NISCH: variants seen among roughly 807,000 people sequenced by gnomAD.
NISCH encodes nischarin.
NISCH carries 55 observed loss-of-function variants against 138.4 expected under a neutral mutation model. The observed-to-expected ratio is 0.40, with a 90% CI of 0.32 to 0.50. The LOEUF is 0.50. NISCH is among the 20% of genes least tolerant of loss of function. The probability of loss-of-function intolerance (pLI) is 0.71; values close to 1 mark genes in which losing one functional copy is unlikely to be tolerated. For missense variants in NISCH, 1,643 were observed against 2,005.5 expected (o/e 0.82, Z 3.45); for synonymous variants, 860 against 861.5 (o/e 1.00, Z 0.03).
chr3:52,489,757 C>G, intron 17 of NISCH, 79 bp downstream of exon 17: 1 of 1,547,972 alleles, frequency 6.5e-7, no homozygotes. Context: ...AGGTCAGCCT[C>G]AGGTCCCTGG....
At chr3:52,482,214 C>T (rs1033479488) in intron 13 of NISCH, among the ~76,000 whole-genome samples, 11 of 152,170 alleles carry the variant, frequency 7.2e-5, no homozygotes, top group African/African-American at 1.4e-4. Flanking sequence ...GGTTTTTTAG[C>T]GCGTGGGAGC....
chr3:52,455,614 G>T lies in NISCH; in HGVS notation c.-28G>T. On this transcript the variant is annotated 5_prime_UTR_variant, in exon 1 of 21. Coordinates refer to ENST00000345716, the MANE Select transcript of NISCH (RefSeq NM_007184.4). ...CCCCCTGCTGCTGCTAGTCTGCGCC[G>T]GGCGGCGGTGGCGGCGGAGACCCGA... The T allele has an allele frequency of 7.7e-7, 1 of 1,297,728 alleles. No homozygotes were observed. Among genetic ancestry groups the T allele is most frequent in the Non-Finnish European group, 9.8e-7 (1 of 1,016,408 alleles). The allele number at this position is 1,297,728 out of a possible 1,614,324, so 80.4% of individuals were successfully genotyped here.
intron 3 of NISCH, among the ~76,000 whole-genome samples, chr3:52,464,001 A>T (rs1041540087): frequency 3.3e-5 from 5 of 151,726 alleles, no homozygotes; most frequent in Admixed American, 3.3e-4. Flanking sequence ...TGCTGAGATT[A>T]CAGGTGTGAG....
At chr3:52,460,612 C>T (rs372071287) in intron 3 of NISCH, among the ~76,000 whole-genome samples, 1 of 152,046 alleles carries the variant, frequency 6.6e-6, no homozygotes, top group African/African-American at 2.4e-5. Flanking sequence ...CAGTATTGCT[C>T]AGGTTGGCCT....
rs375096283 is a variant in NISCH, at chr3:52,492,504, C to T, written c.*22C>T. The T allele has an allele frequency of 3.5e-5, 54 of 1,562,616 alleles. No individual in the cohort carries two copies. In the African/African-American group the frequency reaches 6.0e-4, roughly 17 times the overall value. On this transcript the variant is annotated 3_prime_UTR_variant, in exon 21 of 21. Transcript: ENST00000345716. ...CTAGCCCAGGCCACAGCCAGCCTGT[C>T]GTGTCCAGCCTGACGCCTACTGGGG...
At position 52,490,092 on chromosome 3, in the gene NISCH, G is replaced by C. The variant is rs2153231865; in HGVS notation, c.3474G>C (p.Leu1158=). The change falls in exon 18 of 21, where the codon CTG becomes CTC. Residue 1158 remains leucine (L), a synonymous_variant. Coordinates refer to ENST00000345716, the MANE Select transcript of NISCH (RefSeq NM_007184.4). The part of the protein sequence containing the change: ...SSIAEVENEE[L]RHLMWSSVVF... ...GTCTTCAGGTTGAAAACGAGGAGCTGAGGCACCTCATGTGGTCCTCGGTGG... is the reference window on the plus strand; with the variant it reads ...GTCTTCAGGTTGAAAACGAGGAGCTCAGGCACCTCATGTGGTCCTCGGTGG... The C allele has an allele frequency of 6.2e-7, 1 of 1,613,620 alleles. No homozygotes were observed. The highest frequency in any genetic ancestry group is 8.5e-7 in the Non-Finnish European group (1 of 1,180,004).
chr3:52,466,292 A>T (rs1706777481), intron 3 of NISCH, among the ~76,000 whole-genome samples: 1 of 152,168 alleles, frequency 6.6e-6, no homozygotes, highest in Non-Finnish European at 1.5e-5. Context: ...AGGGCCGGGC[A>T]TGGTGACTCA....
intron 3 of NISCH, among the ~76,000 whole-genome samples, chr3:52,461,755 C>T (rs561928011): frequency 1.9e-4 from 28 of 150,876 alleles, no homozygotes; most frequent in African/African-American, 6.8e-4. Flanking sequence ...CCTAGCTACT[C>T]GGGAGGCTGA....
At chr3:52,480,580 C>T in intron 13 of NISCH, 1 of 1,442,006 alleles carries the variant, frequency 6.9e-7, no homozygotes, top group Non-Finnish European at 9.1e-7. Context: ...AGGCTGCCCT[C>T]TGAACAGGCT....
chr3:52,487,218 G>A lies in NISCH; in HGVS notation c.1726G>A (p.Val576Ile). Residue 576 changes from valine to isoleucine, a missense_variant, in exon 16 of 21, where the codon GTC becomes ATC. Val to Ile is a conservative substitution (Grantham distance 29). Transcript: ENST00000345716. This position sits in a 1 kb window ranked among gnomAD's most constrained non-coding sequence, Gnocchi z 9.1. The stretch of plus-strand genomic sequence containing the variant: ...CAGCCCAGAACATGCCGAGCCGGAG[G>A]TCCAGGTGGTGCCGGGGTCTGGCCA... ...GASPEHAEPE[V>I]QVVPGSGQII... The A allele has an allele frequency of 6.2e-7, 1 of 1,614,036 alleles. No homozygotes were observed. Among genetic ancestry groups the A allele is most frequent in the South Asian group, 1.1e-5 (1 of 91,074 alleles).
In NISCH at chr3:52,456,268, A is replaced by G. The variant is rs151331627; in HGVS notation, c.93+534A>G. ...AGTGCAGGAGAGACCTGGGGAGCAG[A>G]TGCCTTGGGGGTCGGGCGGAGACAA... On this transcript the variant is annotated intron_variant, in intron 1 of 20. Transcript: ENST00000345716. Among the ~76,000 whole-genome samples the G allele has an allele frequency of 2.1e-4, 32 of 151,106 alleles. No homozygotes were observed. The East Asian group carries it at 6.2e-3, about 29-fold the overall frequency.
In NISCH at chr3:52,471,881, G is replaced by A. The variant is rs762736978; in HGVS notation, c.477G>A (p.Glu159=). 6.2e-7 allele frequency: 1 copy of A among 1,613,574 alleles called. No individual in the cohort carries two copies. Among genetic ancestry groups the A allele is most frequent in the Non-Finnish European group, 8.5e-7 (1 of 1,179,770 alleles). Reference sequence around the variant, plus strand: ...CCCTGCAGCTGTATGCCGTCACGGAGCAGCTGCAGCAGGGAAAGCCCACGT... The same window carrying A: ...CCCTGCAGCTGTATGCCGTCACGGAACAGCTGCAGCAGGGAAAGCCCACGT... The part of the protein sequence containing the change: ...IGPLQLYAVT[E]QLQQGKPTCA... Residue 159 remains glutamate (E), a synonymous_variant, in exon 5 of 21, where the codon GAG becomes GAA. Transcript: ENST00000345716.
rs1707101701 is a variant in NISCH at position 52,476,539 on chromosome 3, G to T, written c.858G>T (p.Trp286Cys). The T allele has an allele frequency of 1.2e-6, 2 of 1,613,976 alleles. No individual in the cohort carries two copies. The highest frequency in any genetic ancestry group is 2.7e-5 in the African/African-American group (2 of 74,910). ...CTGTGACTGCCGTCATCCCCACTTG[G>T]CAGGCATTGACCACGCTTGACCTGA... ...EGPVTAVIPT[W>C]QALTTLDLSH... is the part of the protein sequence containing the mutation. The change falls in exon 8 of 21, where the codon TGG (tryptophan) becomes TGT (cysteine). Residue 286 changes from tryptophan to cysteine, a missense_variant. By Grantham distance (215) the Trp-to-Cys change is radical. Transcript: ENST00000345716.
At chr3:52,467,189 C>CG (rs374417794) in intron 3 of NISCH, among the ~76,000 whole-genome samples, 103 of 151,934 alleles carry the variant, frequency 6.8e-4, no homozygotes, top group African/African-American at 2.3e-3. Flanking sequence ...TTAGTAGAGA[C>CG]GGGGTTTCAC....
chr3:52,485,497 A>G (rs1707379116), intron 14 of NISCH, among the ~76,000 whole-genome samples: 1 of 152,214 alleles, frequency 6.6e-6, no homozygotes, highest in Non-Finnish European at 1.5e-5. Flanking sequence ...GAGCAGTCAG[A>G]TGCTGGATCC....
intron 13 of NISCH, 49 bp from the exon 14 acceptor site, chr3:52,484,462 TCC>T: frequency 2.8e-5 from 22 of 788,664 alleles, no homozygotes; most frequent in Non-Finnish European, 3.8e-5. Flanking sequence ...ACAGCCGCTC[TCC>T]CCGCCCCACC....
intron 8 of NISCH, 39 bp from the exon 9 acceptor site, chr3:52,477,535 C>A (rs757600720): frequency 1.5e-5 from 23 of 1,568,578 alleles, no homozygotes; most frequent in Non-Finnish European, 2.0e-5. Flanking sequence ...TGGGGTCCAG[C>A]CCCCTACAGT....
chr3:52,481,709 G>A (rs998893700), intron 13 of NISCH: 2 of 985,574 alleles, frequency 2.0e-6, no homozygotes, highest in South Asian at 4.7e-5. Context: ...GGGTGGGGAT[G>A]CACCATGTCC....
At chr3:52,489,990 G>C in intron 17 of NISCH, 85 bp from the exon 18 acceptor site, 8 of 1,547,390 alleles carry the variant, frequency 5.2e-6, no homozygotes, top group Non-Finnish European at 7.1e-6. Flanking sequence ...GGCTTCCCAT[G>C]TCTCCTTGTG....
Sources: allele counts gnomAD v4.1 joint callset (sites outside exome capture counted in the v4.1 genomes callset), GRCh38; gene constraint gnomAD v4.1.1; non-coding constraint Gnocchi (gnomAD v3.1); transcripts MANE v1.5; gene names NCBI Gene and HGNC (gene_info 2026-07-23, HGNC 2026-07-21).